Variants in DIDO1 observed in about 807,000 individuals in gnomAD.
DIDO1 encodes death inducer-obliterator 1, also known as death-inducer obliterator 1.
Under a neutral mutation model 99.4 loss-of-function variants are expected in DIDO1, and 16 were observed. The observed-to-expected ratio is 0.16, with a 90% confidence interval of 0.11 to 0.24. The LOEUF is 0.24. Ranked by LOEUF, DIDO1 falls within the 10% of genes least tolerant of loss-of-function variation. The pLI, the probability that DIDO1 is intolerant of heterozygous loss-of-function variation, is 1.00. For synonymous variants in DIDO1, 1,366 were observed against 1,239.1 expected (o/e 1.10, Z -2.15); for missense variants, 2,996 against 3,014.0 (o/e 0.99, Z 0.14).
chr20:62,886,731 C>T (rs944179386), intron 15 of DIDO1, among the ~76,000 whole-genome samples: 3 of 152,218 alleles, frequency 2.0e-5, no homozygotes, highest in African/African-American at 7.2e-5. Flanking sequence ...ATCCCACTAT[C>T]AGTGATTTAA....
rs770196326 is a variant in DIDO1 at position 62,905,903 on chromosome 20, C to T, written c.1572G>A (p.Pro524=). 2.5e-5 allele frequency: 41 copies of T among 1,614,016 alleles called. No individual in the cohort carries two copies. The highest frequency in any genetic ancestry group is 3.3e-4 in the Middle Eastern group (2 of 6,084). The change falls in exon 6 of 16, where the codon CCG becomes CCA. Residue 524 remains proline, a synonymous_variant. Coordinates refer to ENST00000395343, the MANE Select transcript of DIDO1 (RefSeq NM_001193369.2). ...VKPEKTAAPS[P]SLLYKSTKED... Reference sequence around the variant, plus strand: ...GATACATACATTTATACAACAGTGACGGCGAGGGAGCAGCAGTCTTTTCTG... The same window carrying T: ...GATACATACATTTATACAACAGTGATGGCGAGGGAGCAGCAGTCTTTTCTG...
At chr20:62,926,837 T>G (rs2065265728), upstream of DIDO1, among the ~76,000 whole-genome samples, 1 of 152,226 alleles carries the variant, frequency 6.6e-6, no homozygotes, top group African/African-American at 2.4e-5. Flanking sequence ...GATTTCGCTC[T>G]TAAGACCGAT....
Position 62,894,803 on chromosome 20 carries a change from T to C in DIDO1, c.2436+7A>G, listed in dbSNP as rs750758849. The C allele has an allele frequency of 9.3e-6, 15 of 1,607,214 alleles. No individual in the cohort carries two copies. Among genetic ancestry groups the C allele is most frequent in the Non-Finnish European group, 1.0e-5 (12 of 1,178,142 alleles). On this transcript the variant is annotated splice_region_variant and intron_variant, in intron 10 of 15. Transcript: ENST00000395343. The surrounding 1 kb of genome is among the most constrained non-coding windows in gnomAD (Gnocchi z 4.4). The stretch of plus-strand genomic sequence containing the variant: ...CTCGGTGAACACAAAATCTCCCAAA[T>C]GCTTACCTCTGAATCCGACACTGGC...
intron 1 of DIDO1, among the ~76,000 whole-genome samples, chr20:62,923,165 T>C (rs1199813684): frequency 2.6e-5 from 4 of 152,008 alleles, no homozygotes; most frequent in African/African-American, 7.2e-5. Context: ...CACATCAGCA[T>C]GCTTGGCCTA....
chr20:62,881,210 C>A lies in DIDO1; in HGVS notation c.4746G>T (p.Ser1582=), dbSNP rs372820550. 4 of 1,605,688 alleles carry A rather than the reference C, an allele frequency of 2.5e-6. No individual in the cohort carries two copies. Among genetic ancestry groups the A allele is most frequent in the Non-Finnish European group, 3.4e-6 (4 of 1,178,438 alleles). The change falls in exon 16 of 16, where the codon TCG becomes TCT. Residue 1582 remains serine, a synonymous_variant. Transcript: ENST00000395343. This position sits in a 1 kb window ranked among gnomAD's most constrained non-coding sequence, Gnocchi z 8.3. ...EGEGEPLSRL[S]ARGAQGALPE... The stretch of plus-strand genomic sequence containing the variant: ...GCAGGGCACCCTGGGCACCACGTGC[C>A]GAGAGCCTGGAGAGAGGCTCCCCCT...
chr20:62,891,391 C>T, intron 14 of DIDO1, among the ~76,000 whole-genome samples: 1 of 152,322 alleles, frequency 6.6e-6, no homozygotes, highest in Non-Finnish European at 1.5e-5. Flanking sequence ...GAACCAGCTG[C>T]ATGATCTGCA....
At chr20:62,919,589 C>T (rs2065098982) in intron 1 of DIDO1, among the ~76,000 whole-genome samples, 2 of 151,634 alleles carry the variant, frequency 1.3e-5, no homozygotes, top group South Asian at 4.1e-4. Context: ...CAGTATGTTT[C>T]TCACAAAGAA....
At chr20:62,930,352 T>C (rs1178799869), upstream of DIDO1, among the ~76,000 whole-genome samples, 1 of 152,220 alleles carries the variant, frequency 6.6e-6, no homozygotes, top group Non-Finnish European at 1.5e-5. Flanking sequence ...GAATGCTGTT[T>C]TGAGACAACC....
intron 14 of DIDO1, among the ~76,000 whole-genome samples, chr20:62,891,652 C>T (rs944192904): frequency 1.3e-5 from 2 of 152,118 alleles, no homozygotes; most frequent in Non-Finnish European, 2.9e-5. Flanking sequence ...GAAAATAAAA[C>T]GTATCTATTT....
chr20:62,897,617 G>A (rs1166717273), intron 6 of DIDO1, among the ~76,000 whole-genome samples: 2 of 152,226 alleles, frequency 1.3e-5, no homozygotes, highest in African/African-American at 4.8e-5. Context: ...TTACAGGAAT[G>A]CGTCCATTCA....
chr20:62,909,668 T>G, intron 4 of DIDO1, 31 bp downstream of exon 4: 1 of 1,606,784 alleles, frequency 6.2e-7, no homozygotes, highest in Non-Finnish European at 8.5e-7. Flanking sequence ...GGCCGACTGC[T>G]GAATGCTCGT....
In DIDO1 at chr20:62,880,871, G is replaced by A; in HGVS notation, c.5085C>T (p.Leu1695=). 3 of 1,612,610 alleles carry A rather than the reference G, an allele frequency of 1.9e-6. No individual in the cohort carries two copies. The highest frequency in any genetic ancestry group is 2.2e-5 in the East Asian group (1 of 44,870). The change falls in exon 16 of 16, where the codon CTC becomes CTT. Residue 1695 remains leucine, a synonymous_variant. Transcript: ENST00000395343. ...CPGFASQDKA[L]GSAQYEDPRN... is the part of the protein sequence containing the mutation. ...TTGGGTCCTCATACTGGGCTGAGCC[G>A]AGAGCCTTGTCCTGCGACGCGAACC...
At chr20:62,900,692 C>G (rs771090145) in intron 6 of DIDO1, among the ~76,000 whole-genome samples, 3 of 152,208 alleles carry the variant, frequency 2.0e-5, no homozygotes, top group South Asian at 2.1e-4. Context: ...AAACACCACA[C>G]GCCCTCACGT....
At position 62,879,511 on chromosome 20, in the gene DIDO1, T is replaced by TGTCCCA. The variant is rs1466688791; in HGVS notation, c.6439_6444dup (p.Trp2147_Asp2148dup). 5 of 1,598,430 alleles carry TGTCCCA rather than the reference T, an allele frequency of 3.1e-6. No homozygotes were observed. Among genetic ancestry groups the TGTCCCA allele is most frequent in the Non-Finnish European group, 4.2e-6 (5 of 1,178,752 alleles). Reference sequence around the variant, plus strand: ...CGGTTGGCGCTCCTCTCCCGGTTTCTGTCCCAGTCCCGGCTGGAGTCCTTG... The same window carrying TGTCCCA: ...CGGTTGGCGCTCCTCTCCCGGTTTCTGTCCCAGTCCCAGTCCCGGCTGGAGTCCTTG... On this transcript the variant is annotated inframe_insertion, in exon 16 of 16. Transcript: ENST00000395343. This position sits in a 1 kb window ranked among gnomAD's most constrained non-coding sequence, Gnocchi z 6.3.
Position 62,894,873 on chromosome 20 carries a change from C to A in DIDO1, c.2373G>T (p.Lys791Asn). The A allele has an allele frequency of 6.2e-7, 1 of 1,614,164 alleles. No homozygotes were observed. Among genetic ancestry groups the A allele is most frequent in the African/African-American group, 1.3e-5 (1 of 75,034 alleles). The change falls in exon 10 of 16, where the codon AAG becomes AAT. Residue 791 changes from lysine (K) to asparagine (N), a missense_variant. Around this residue, in one of 5 missense-constraint regions of DIDO1, gnomAD observed 898 missense variants for 972.7 expected, o/e 0.92. Coordinates refer to ENST00000395343, the MANE Select transcript of DIDO1 (RefSeq NM_001193369.2). The surrounding 1 kb of genome is among the most constrained non-coding windows in gnomAD (Gnocchi z 4.4). Reference sequence around the variant, plus strand: ...GGATGGCCTCCTGCCTGGGGGCCGTCTTCTTGCTTTCATTGTGCAGTTTAG... The same window carrying A: ...GGATGGCCTCCTGCCTGGGGGCCGTATTCTTGCTTTCATTGTGCAGTTTAG... ...SRTKLHNESK[K>N]TAPRQEAIPD...
chr20:62,886,053 G>A (rs2064292719), intron 15 of DIDO1, among the ~76,000 whole-genome samples: 1 of 152,238 alleles, frequency 6.6e-6, no homozygotes, highest in Non-Finnish European at 1.5e-5. Context: ...TGCAGAGACT[G>A]AGGCCTGCAC....
rs1246930553 is a variant in DIDO1 at position 62,894,393 on chromosome 20, A to G, written c.2572+20T>C. The G allele has an allele frequency of 1.2e-6, 2 of 1,607,746 alleles. No homozygotes were observed. Among genetic ancestry groups the G allele is most frequent in the Non-Finnish European group, 1.7e-6 (2 of 1,178,262 alleles). The stretch of plus-strand genomic sequence containing the variant: ...AGTTTAGTCTCAGCTCCAAGGCTCC[A>G]TCCCCTGCACTGTGCTCACCTGTGC... On this transcript the variant is annotated intron_variant, in intron 11 of 15. Coordinates refer to ENST00000395343, the MANE Select transcript of DIDO1 (RefSeq NM_001193369.2). The surrounding 1 kb of genome is among the most constrained non-coding windows in gnomAD (Gnocchi z 4.4).
Position 62,879,050 on chromosome 20 carries a change from TA to T in DIDO1, c.*182del, listed in dbSNP as rs2064150110. 2 of 527,438 alleles carry T rather than the reference TA, an allele frequency of 3.8e-6. No homozygotes were observed. The highest frequency in any genetic ancestry group is 3.4e-5 in the East Asian group (1 of 29,298). 32.7% of individuals were successfully genotyped at this position (527,438 alleles called of 1,614,324 possible). A position where few individuals can be genotyped will look rare whatever the true frequency, so the allele number is the denominator to read the frequency against. On this transcript the variant is annotated 3_prime_UTR_variant, in exon 16 of 16. Transcript: ENST00000395343. The surrounding 1 kb of genome is among the most constrained non-coding windows in gnomAD (Gnocchi z 6.3). Reference sequence around the variant, plus strand: ...TGGAAATATTAAAGTTTAGTTTTTTTAAAAAAGCATCAGAATTGTAAAGATG... The same window carrying T: ...TGGAAATATTAAAGTTTAGTTTTTTTAAAAAGCATCAGAATTGTAAAGATG...
chr20:62,909,801 T>C lies in DIDO1; in HGVS notation c.1059A>G (p.Ile353Met). 1 of 1,614,272 alleles carries C rather than the reference T, an allele frequency of 6.2e-7. No individual in the cohort carries two copies. Among genetic ancestry groups the C allele is most frequent in the Non-Finnish European group, 8.5e-7 (1 of 1,180,042 alleles). ...CGCTAGACTTCTGCTCTATTGTTCC[T>C]ATACTTGTACAATCGGTGCCATCAG... is the stretch of plus-strand genomic sequence containing the variant. ...GDADGTDCTS[I>M]GTIEQKSSED... The change falls in exon 4 of 16, where the codon ATA (isoleucine) becomes ATG (methionine). Residue 353 changes from isoleucine to methionine, a missense_variant. Physicochemically the swap from Ile to Met is conservative, Grantham distance 10. Transcript: ENST00000395343.
Sources: gnomAD v4.1 joint callset for allele counts (sites outside exome capture counted in the v4.1 genomes callset) on GRCh38, gnomAD v4.1.1 for gene constraint, gnomAD v4.1.1 regional missense constraint, Gnocchi (gnomAD v3.1) non-coding constraint, MANE v1.5 for transcripts, NCBI Gene and HGNC (gene_info 2026-07-23, HGNC 2026-07-21) for gene names.